Variants in CEBPZ observed in about 807,000 individuals in gnomAD.
The protein encoded by CEBPZ is CCAAT enhancer binding protein zeta, also known as CCAAT/enhancer-binding protein zeta.
CEBPZ carries 78 observed loss-of-function variants against 104.5 expected under a neutral mutation model. That is an observed-to-expected ratio of 0.75 (90% CI 0.62 to 0.90). The LOEUF is 0.90. Ranked by LOEUF, CEBPZ falls within the 40% of genes least tolerant of loss-of-function variation. The pLI is 0.00. For missense variants in CEBPZ, 1,439 were observed against 1,233.5 expected (o/e 1.17, Z -2.50); for synonymous variants, 470 against 427.0 (o/e 1.10, Z -1.24).
rs373602577 is a variant in CEBPZ at position 37,221,374 on chromosome 2, C to T, written c.2066-901G>A. 6.6e-5 allele frequency among the ~76,000 whole-genome samples: 10 copies of T among 152,208 alleles called. No homozygotes were observed. In the South Asian group the frequency reaches 1.0e-3, roughly 16 times the overall value. On this transcript the variant is annotated intron_variant, in intron 4 of 15. Transcript: ENST00000234170. ...CCAAACTTCTCCCTTTCCTAAATGG[C>T]AACAAAAGGTGCCCATTTTGGGGCC...
rs113250972 is a variant in CEBPZ, at chr2:37,222,149, T to C, written c.2065+231A>G. On this transcript the variant is annotated intron_variant, in intron 4 of 15. Coordinates refer to ENST00000234170, the MANE Select transcript of CEBPZ (RefSeq NM_005760.3). ...AAATACAAAAATTAGCCAGGTGTGG[T>C]GGCACATGCCTGTAATCCCAGCTAC... 4.6e-3 allele frequency among the ~76,000 whole-genome samples: 705 copies of C among 152,270 alleles called. 7 individuals are homozygous for C. Among genetic ancestry groups the C allele is most frequent in the African/African-American group, 0.016 (645 of 41,560 alleles).
rs1297208377 is a variant in CEBPZ, at chr2:37,220,366, C to T, written c.2154+19G>A. On this transcript the variant is annotated intron_variant, in intron 5 of 15. Transcript: ENST00000234170. ...ATATATAGCATAAATGAATAAAAGA[C>T]AATTTGAAATTATTTTACCTTTTTG... 2 of 1,266,092 alleles carry T rather than the reference C, an allele frequency of 1.6e-6. No homozygotes were observed. Among genetic ancestry groups the T allele is most frequent in the Non-Finnish European group, 2.2e-6 (2 of 899,476 alleles). 78.4% of individuals were successfully genotyped at this position (1,266,092 alleles called of 1,614,324 possible).
At position 37,229,047 on chromosome 2, in the gene CEBPZ, A is replaced by C. The variant is rs1461859803; in HGVS notation, c.157-11T>G. ...CATAAGGTAATCTTGCTGCATTAAA[A>C]ACATAAGTTAAAAATACATTACAAA... On this transcript the variant is annotated splice_polypyrimidine_tract_variant and intron_variant, in intron 1 of 15. Transcript: ENST00000234170. The C allele has an allele frequency of 6.7e-7, 1 of 1,493,362 alleles. No individual in the cohort carries two copies. Among genetic ancestry groups the C allele is most frequent in the East Asian group, 2.4e-5 (1 of 42,118 alleles). 92.5% of individuals were successfully genotyped at this position (1,493,362 alleles called of 1,614,324 possible).
intron 2 of CEBPZ, among the ~76,000 whole-genome samples, chr2:37,225,854 A>AC (rs1260224521): frequency 1.2e-5 from 1 of 85,046 alleles, no homozygotes; most frequent in Non-Finnish European, 2.3e-5. Context: ...TCGGTATAAA[A>AC]CCCGATTGTA....
At position 37,223,182 on chromosome 2, in the gene CEBPZ, T is replaced by C; in HGVS notation, c.1869A>G (p.Leu623=). 1.2e-6 allele frequency: 2 copies of C among 1,612,534 alleles called. No homozygotes were observed. The highest frequency in any genetic ancestry group is 1.7e-6 in the Non-Finnish European group (2 of 1,178,818). ...TTGTAAAATATACCGGATGATCATCTAGTTGGCTTCTTAAACCTGGTTTTG... is the reference window on the plus strand; with the variant it reads ...TTGTAAAATATACCGGATGATCATCCAGTTGGCTTCTTAAACCTGGTTTTG... ...LKAKPGLRSQ[L]DDHPESDDEE... Residue 623 remains leucine, a synonymous_variant, in exon 3 of 16, where the codon CTA becomes CTG. Coordinates refer to ENST00000234170, the MANE Select transcript of CEBPZ (RefSeq NM_005760.3).
In CEBPZ at chr2:37,227,839, G is replaced by A; in HGVS notation, c.1354C>T (p.His452Tyr). The A allele has an allele frequency of 6.2e-7, 1 of 1,614,014 alleles. No homozygotes were observed. The highest frequency in any genetic ancestry group is 8.5e-7 in the Non-Finnish European group (1 of 1,180,014). Residue 452 changes from histidine (H) to tyrosine (Y), a missense_variant, in exon 2 of 16, where the codon CAT becomes TAT. His to Tyr is a moderately conservative substitution (Grantham distance 83). Coordinates refer to ENST00000234170, the MANE Select transcript of CEBPZ (RefSeq NM_005760.3). ...ICFLNQMALS[H>Y]EESELANKLI... is the part of the protein sequence containing the mutation. Reference sequence around the variant, plus strand: ...TTGTTAGCCAATTCACTTTCTTCATGGGACAGAGCCATTTGATTTAAAAAG... The same window carrying A: ...TTGTTAGCCAATTCACTTTCTTCATAGGACAGAGCCATTTGATTTAAAAAG...
chr2:37,209,211 C>T (rs1017533121), intron 13 of CEBPZ: 3 of 152,046 alleles, frequency 2.0e-5, no homozygotes, highest in Non-Finnish European at 2.9e-5. Flanking sequence ...TGAAAATGAC[C>T]ATACTGCCAA....
intron 12 of CEBPZ, 62 bp from the exon 13 acceptor site, chr2:37,211,144 T>TC: frequency 9.2e-7 from 1 of 1,087,022 alleles, no homozygotes; most frequent in Non-Finnish European, 1.4e-6. Context: ...AAAATATTAC[T>TC]CCAAGATATG....
At chr2:37,216,865 C>T (rs535126131) in intron 6 of CEBPZ, 119 bp downstream of exon 6, 63 of 808,220 alleles carry the variant, frequency 7.8e-5, no homozygotes, top group Non-Finnish European at 1.1e-4. Flanking sequence ...CTTCTTTATA[C>T]GAGCAGTAAA....
intron 2 of CEBPZ, among the ~76,000 whole-genome samples, chr2:37,225,985 C>T (rs1294609802): frequency 7.1e-6 from 1 of 140,680 alleles, no homozygotes; most frequent in Non-Finnish European, 1.5e-5. Flanking sequence ...AAGCACAGCA[C>T]TTAATCCTTT....
rs779212758 is a variant in CEBPZ, at chr2:37,228,091, C to T, written c.1102G>A (p.Val368Met). 1.1e-5 allele frequency: 17 copies of T among 1,614,184 alleles called. No homozygotes were observed. The highest frequency in any genetic ancestry group is 1.7e-5 in the Admixed American group (1 of 60,022). ...TTGTTACAAAGCAGCTCATGAGCCA[C>T]GGTAAGGGCTCGAGTTTTAGTGGTT... is the stretch of plus-strand genomic sequence containing the variant. ...LVTTKTRALT[V>M]AHELLCNKPE... The change falls in exon 2 of 16, where the codon GTG becomes ATG. Residue 368 changes from valine (V) to methionine (M), a missense_variant. By Grantham distance (21) the Val-to-Met change is conservative (BLOSUM62 1). Transcript: ENST00000234170.
intron 3 of CEBPZ, 41 bp from the exon 4 acceptor site, chr2:37,222,604 G>A (rs370841708): frequency 7.0e-7 from 1 of 1,419,822 alleles, no homozygotes; most frequent in Non-Finnish European, 9.5e-7. Context: ...TAAATCAACT[G>A]GAAGTTGCAA....
chr2:37,202,069 T>C (rs1558462704), intron 15 of CEBPZ, 166 bp from the exon 16 acceptor site: 2 of 457,364 alleles, frequency 4.4e-6, no homozygotes, highest in Middle Eastern at 3.9e-4. Context: ...CTCATATTTA[T>C]TGTCAAAGAT....
intron 13 of CEBPZ, chr2:37,209,127 A>C (rs559668757): frequency 2.0e-5 from 3 of 152,096 alleles, no homozygotes; most frequent in Non-Finnish European, 4.4e-5. Flanking sequence ...ACTACAAAAC[A>C]CTGCTGAAAG....
chr2:37,223,500 G>T, intron 2 of CEBPZ, 99 bp from the exon 3 acceptor site: 1 of 1,004,082 alleles, frequency 1.0e-6, no homozygotes, highest in Non-Finnish European at 1.5e-6. Context: ...CTTAGTTAGG[G>T]ATAACTTTGC....
chr2:37,221,155 CA>C (rs1389792739), intron 4 of CEBPZ, among the ~76,000 whole-genome samples: 1 of 151,202 alleles, frequency 6.6e-6, no homozygotes, highest in Non-Finnish European at 1.5e-5. Context: ...TTCGTCTCTA[CA>C]AAAAACACAA....
At chr2:37,205,065 A>G (rs567488910) in intron 13 of CEBPZ, among the ~76,000 whole-genome samples, 16 of 152,358 alleles carry the variant, frequency 1.1e-4, no homozygotes, top group Middle Eastern at 3.4e-3. Flanking sequence ...TCAAGGGAAG[A>G]CAAAATCTGG....
At chr2:37,212,449 T>C in intron 10 of CEBPZ, 57 bp from the exon 11 acceptor site, 2 of 1,374,510 alleles carry the variant, frequency 1.5e-6, no homozygotes, top group East Asian at 2.3e-5. Flanking sequence ...TTGACATATA[T>C]CTTGTATCTG....
chr2:37,228,333 T>C lies in CEBPZ; in HGVS notation c.860A>G (p.Asp287Gly). 1 of 1,614,210 alleles carries C rather than the reference T, an allele frequency of 6.2e-7. No homozygotes were observed. The change falls in exon 2 of 16, where the codon GAT becomes GGT. Residue 287 changes from aspartate to glycine, a missense_variant. Coordinates refer to ENST00000234170, the MANE Select transcript of CEBPZ (RefSeq NM_005760.3). Reference protein sequence around the residue: ...GSKQQCLMALDTFKELLITDL... With the variant: ...GSKQQCLMALGTFKELLITDL... The stretch of plus-strand genomic sequence containing the variant: ...TGTGATAAGCAACTCTTTGAAAGTA[T>C]CCAAGGCCATAAGGCACTGCTGTTT...
Sources: gnomAD v4.1 joint callset for allele counts (sites outside exome capture counted in the v4.1 genomes callset) on GRCh38, gnomAD v4.1.1 for gene constraint, MANE v1.5 for transcripts, NCBI Gene and HGNC (gene_info 2026-07-23, HGNC 2026-07-21) for gene names.